MBOAT1: variants seen among roughly 807,000 people sequenced by gnomAD.
MBOAT1 encodes the protein membrane-bound glycerophospholipid O-acyltransferase 1.
In MBOAT1, 67 loss-of-function variants were observed where a neutral mutation model predicts 64.4. The ratio of observed to expected loss-of-function variants is 1.04; its 90% CI spans 0.85 to 1.27. MBOAT1 has a LOEUF of 1.27. MBOAT1 is among the 50% of genes most tolerant of loss of function. The pLI is 0.00. For missense variants in MBOAT1, 563 were observed against 604.6 expected (o/e 0.93, Z 0.72); for synonymous variants, 229 against 218.9 (o/e 1.05, Z -0.41).
rs1174816793 is a variant in MBOAT1, at chr6:20,192,995, C to CTTTTTTTTTTTTTTTTTTTTTTTTTTTT, written c.99+19113_99+19140dup. On this transcript the variant is annotated intron_variant, in intron 1 of 12. Transcript: ENST00000324607. ...TTATTCAGCTGGTATGCTATAATTT[C>CTTTTTTTTTTTTTTTTTTTTTTTTTTTT]TTTTTTTTTTTTTTTTTTTTTTTTT... 5.5e-5 allele frequency among the ~76,000 whole-genome samples: 3 copies of CTTTTTTTTTTTTTTTTTTTTTTTTTTTT among 55,036 alleles called. 1 individual carries two copies. The highest frequency in any genetic ancestry group is 3.4e-5 in the Non-Finnish European group (1 of 29,078). 36.1% of individuals were successfully genotyped at this position (55,036 alleles called of 152,430 possible). A position where few individuals can be genotyped will look rare whatever the true frequency, so the allele number is the denominator to read the frequency against.
intron 1 of MBOAT1, among the ~76,000 whole-genome samples, chr6:20,163,285 C>T (rs1029749589): frequency 2.6e-5 from 4 of 152,158 alleles, no homozygotes; most frequent in African/African-American, 9.7e-5. Flanking sequence ...TCCACAAGCA[C>T]GCTGTTACTC....
chr6:20,131,072 A>G, intron 5 of MBOAT1, 72 bp downstream of exon 5: 1 of 1,323,184 alleles, frequency 7.6e-7, no homozygotes, highest in Non-Finnish European at 1.1e-6. Context: ...TGGACTGTGT[A>G]CATAGTATAA....
chr6:20,139,785 A>G (rs6938051), intron 4 of MBOAT1, among the ~76,000 whole-genome samples: 20 of 150,364 alleles, frequency 1.3e-4, no homozygotes, highest in African/African-American at 4.9e-4. Flanking sequence ...AAACTCCTGG[A>G]CTCAAATGAT....
intron 1 of MBOAT1, among the ~76,000 whole-genome samples, chr6:20,205,141 G>C (rs1378098617): frequency 6.6e-6 from 1 of 152,086 alleles, no homozygotes; most frequent in Non-Finnish European, 1.5e-5. Flanking sequence ...TGAGACTGCA[G>C]GGTGCCATGA....
chr6:20,108,912 A>G (rs1178057015), intron 12 of MBOAT1, among the ~76,000 whole-genome samples: 2 of 152,258 alleles, frequency 1.3e-5, no homozygotes, highest in African/African-American at 4.8e-5. Context: ...ATCACACACA[A>G]TCAGTTCACA....
At chr6:20,128,345 A>C (rs1461555166) in intron 6 of MBOAT1, among the ~76,000 whole-genome samples, 2 of 152,102 alleles carry the variant, frequency 1.3e-5, no homozygotes, top group Non-Finnish European at 2.9e-5. Flanking sequence ...GACCCCCAAG[A>C]CACATGGCCA....
intron 1 of MBOAT1, among the ~76,000 whole-genome samples, chr6:20,165,401 T>C (rs1241957737): frequency 1.3e-5 from 2 of 152,166 alleles, no homozygotes; most frequent in Non-Finnish European, 2.9e-5. Context: ...AGAGGGGCTA[T>C]GAGAAACATT....
chr6:20,152,899 C>G, intron 1 of MBOAT1, 130 bp from the exon 2 acceptor site: 1 of 927,852 alleles, frequency 1.1e-6, no homozygotes, highest in Non-Finnish European at 1.5e-6. Context: ...GTGGCGCAAA[C>G]TCGGCTCACT....
rs771537967 is a variant in MBOAT1, at chr6:20,124,417, A to G, written c.898T>C (p.Trp300Arg). ...ACTCCATCAAACTTACCTAATGTCCATGCAAAGTAATACTTGGGCTTTGAG... is the reference window on the plus strand; with the variant it reads ...ACTCCATCAAACTTACCTAATGTCCGTGCAAAGTAATACTTGGGCTTTGAG... Reference protein sequence around the residue: ...QASKPKYYFAWTLADAVNNAA... With the variant: ...QASKPKYYFARTLADAVNNAA... Residue 300 changes from tryptophan to arginine, a missense_variant, in exon 8 of 13, where the codon TGG becomes CGG. Transcript: ENST00000324607. 5 of 1,613,872 alleles carry G rather than the reference A, an allele frequency of 3.1e-6. No homozygotes were observed. In the East Asian group the frequency reaches 8.9e-5, roughly 29 times the overall value.
At chr6:20,120,611 A>G (rs1375708006) in intron 8 of MBOAT1, among the ~76,000 whole-genome samples, 1 of 152,104 alleles carries the variant, frequency 6.6e-6, no homozygotes, top group African/African-American at 2.4e-5. Flanking sequence ...GGAGGTTACA[A>G]TTAGCCAAGA....
At chr6:20,184,720 C>G (rs1394418417) in intron 1 of MBOAT1, among the ~76,000 whole-genome samples, 1 of 152,090 alleles carries the variant, frequency 6.6e-6, no homozygotes, top group Non-Finnish European at 1.5e-5. Context: ...ACCATTCTCC[C>G]TCTACTCCCT....
intron 1 of MBOAT1, among the ~76,000 whole-genome samples, chr6:20,174,798 T>G (rs1762295490): frequency 6.6e-6 from 1 of 152,102 alleles, no homozygotes; most frequent in Non-Finnish European, 1.5e-5. Context: ...ATGAAAACAG[T>G]TCCATTCACA....
intron 9 of MBOAT1, among the ~76,000 whole-genome samples, chr6:20,118,227 A>T (rs1345238213): frequency 1.3e-5 from 2 of 151,460 alleles, no homozygotes; most frequent in Admixed American, 6.7e-5. Flanking sequence ...GAACCATTAG[A>T]ACTGTCAAGA....
At chr6:20,183,468 A>ATT (rs1352287315) in intron 1 of MBOAT1, among the ~76,000 whole-genome samples, 1 of 152,176 alleles carries the variant, frequency 6.6e-6, no homozygotes, top group Non-Finnish European at 1.5e-5. Flanking sequence ...TATACTTTGA[A>ATT]TTTGCCAGGA....
At position 20,205,591 on chromosome 6, in the gene MBOAT1, T is replaced by A. The variant is rs144119525; in HGVS notation, c.99+6545A>T. On this transcript the variant is annotated intron_variant, in intron 1 of 12. Transcript: ENST00000324607. ...TAGGCCAGCCCATCTTCTGGACTTA[T>A]CCAGAATCCCCCAGCATGGAGACCG... Among the ~76,000 whole-genome samples the A allele has an allele frequency of 2.0e-4, 31 of 152,244 alleles. 1 individual carries two copies. The highest frequency in any genetic ancestry group is 5.3e-4 in the African/African-American group (22 of 41,528).
In MBOAT1 at chr6:20,131,212, CAG is replaced by C. The variant is rs777164136; in HGVS notation, c.420-15_420-14del. On this transcript the variant is annotated splice_polypyrimidine_tract_variant and intron_variant, in intron 4 of 12. Transcript: ENST00000324607. ...AATCATCAGAGGCCTGGAAGGAAGA[CAG>C]AAAATAATCAAGATTGGCAAGAAGG... 1 of 1,612,750 alleles carries C rather than the reference CAG, an allele frequency of 6.2e-7. No homozygotes were observed. Among genetic ancestry groups the C allele is most frequent in the Middle Eastern group, 1.7e-4 (1 of 6,056 alleles).
At chr6:20,151,682 A>G (rs1332049971) in intron 2 of MBOAT1, among the ~76,000 whole-genome samples, 1 of 152,194 alleles carries the variant, frequency 6.6e-6, no homozygotes, top group Non-Finnish European at 1.5e-5. Context: ...GAATTCTAGT[A>G]TAGTACCCTG....
In MBOAT1 at chr6:20,109,592, A is replaced by C; in HGVS notation, c.1361+6T>G. On this transcript the variant is annotated splice_donor_region_variant and intron_variant, in intron 12 of 12. Coordinates refer to ENST00000324607, the MANE Select transcript of MBOAT1 (RefSeq NM_001080480.3). ...GAGATGGCAACTGAGAACAACGGAAACTTACTTGTATAAGCTGATGGTCGG... is the reference window on the plus strand; with the variant it reads ...GAGATGGCAACTGAGAACAACGGAACCTTACTTGTATAAGCTGATGGTCGG... The C allele has an allele frequency of 1.2e-6, 2 of 1,606,226 alleles. No homozygotes were observed. The highest frequency in any genetic ancestry group is 1.7e-6 in the Non-Finnish European group (2 of 1,175,004).
chr6:20,112,829 G>T (rs1398901858), intron 11 of MBOAT1, 47 bp downstream of exon 11: 1 of 1,582,858 alleles, frequency 6.3e-7, no homozygotes. Flanking sequence ...AAACATGCAG[G>T]CATCAGATTA....
Sources: allele counts gnomAD v4.1 joint callset (sites outside exome capture counted in the v4.1 genomes callset), GRCh38; gene constraint gnomAD v4.1.1; transcripts MANE v1.5; gene names NCBI Gene and HGNC (gene_info 2026-07-23, HGNC 2026-07-21).